PLEKHG1: variants seen among roughly 807,000 people sequenced by gnomAD.
PLEKHG1 encodes pleckstrin homology domain-containing family G member 1.
A neutral mutation model predicts 100.8 loss-of-function variants in PLEKHG1; 44 were observed. The observed-to-expected ratio is 0.44, with a 90% CI of 0.34 to 0.56. The LOEUF (loss-of-function observed/expected upper bound fraction) is 0.56. PLEKHG1 is among the 20% of genes least tolerant of loss of function. The pLI, the probability that PLEKHG1 is intolerant of heterozygous loss-of-function variation, is 0.01. For missense variants in PLEKHG1, 1,545 were observed against 1,720.9 expected (o/e 0.90, Z 1.81); for synonymous variants, 640 against 662.5 (o/e 0.97, Z 0.52).
In PLEKHG1 at chr6:150,629,228, G is replaced by A. The variant is rs139115316; in HGVS notation, c.-203-8852G>A. The stretch of plus-strand genomic sequence containing the variant: ...ATTTGACAGTATCTGTCAAGGCCTC[G>A]AAGGGACTCTTTGACTCATTTTTCG... On this transcript the variant is annotated intron_variant, in intron 1 of 3. Transcript: ENST00000367326. Among the ~76,000 whole-genome samples the A allele has an allele frequency of 2.6e-5, 4 of 152,238 alleles. No individual in the cohort carries two copies. The South Asian group carries it at 6.2e-4, about 24-fold the overall frequency.
chr6:150,819,725 G>C (rs752452889), exon 12 of PLEKHG1: 6 of 1,612,806 alleles, frequency 3.7e-6, no homozygotes, highest in Non-Finnish European at 4.2e-6. Context: ...CGAAAGCACT[G>C]TTCGGCTCTA....
chr6:150,835,062 C>T (rs1032634021), intron 15 of PLEKHG1, among the ~76,000 whole-genome samples: 1 of 152,132 alleles, frequency 6.6e-6, no homozygotes, highest in South Asian at 2.1e-4. Context: ...CGGTGCTGTG[C>T]GGAAGGAGGA....
At chr6:150,745,414 G>A (rs1306396523) in intron 2 of PLEKHG1, among the ~76,000 whole-genome samples, 1 of 152,184 alleles carries the variant, frequency 6.6e-6, no homozygotes, top group Non-Finnish European at 1.5e-5. Flanking sequence ...CAGCCACAGT[G>A]GCTCATGCCT....
chr6:150,747,834 T>G (rs1165885743), intron 2 of PLEKHG1, among the ~76,000 whole-genome samples: 1 of 151,290 alleles, frequency 6.6e-6, no homozygotes, highest in South Asian at 2.1e-4. Context: ...AGGTGGGGGT[T>G]GCAGTGAGCC....
intron 3 of PLEKHG1, among the ~76,000 whole-genome samples, chr6:150,697,439 G>A (rs1038135849): frequency 1.3e-5 from 2 of 152,218 alleles, no homozygotes; most frequent in African/African-American, 2.4e-5. Flanking sequence ...CCTTAAAGAA[G>A]CGAACCCTGA....
rs186829760 is a variant in PLEKHG1 at position 150,622,203 on chromosome 6, A to G, written c.-203-15877A>G. 1.4e-4 allele frequency among the ~76,000 whole-genome samples: 22 copies of G among 152,340 alleles called. No homozygotes were observed. The East Asian group carries it at 3.9e-3, about 27-fold the overall frequency. ...AATTTTGTTAAGTGAATGAATCTCA[A>G]TAAAAGCCAACATGTTATATGGGCA... On this transcript the variant is annotated intron_variant, in intron 1 of 3. Coordinates refer to the PLEKHG1 transcript ENST00000367326.
chr6:150,821,550 G>A (rs1296911400), intron 13 of PLEKHG1, among the ~76,000 whole-genome samples: 1 of 151,926 alleles, frequency 6.6e-6, no homozygotes, highest in Admixed American at 6.6e-5. Context: ...CAGTCCCAGT[G>A]GCTCGTGCCT....
intron 3 of PLEKHG1, among the ~76,000 whole-genome samples, chr6:150,669,742 G>A (rs890705782): frequency 3.3e-5 from 5 of 151,822 alleles, no homozygotes; most frequent in East Asian, 3.9e-4. Context: ...GATTACAGGC[G>A]CCTGCCACCA....
At chr6:150,614,365 C>T (rs1007684305) in intron 1 of PLEKHG1, among the ~76,000 whole-genome samples, 1 of 152,084 alleles carries the variant, frequency 6.6e-6, no homozygotes, top group African/African-American at 2.4e-5. Flanking sequence ...GACTAGGAAC[C>T]GTACTATTTT....
intron 1 of PLEKHG1, among the ~76,000 whole-genome samples, chr6:150,725,468 T>A (rs995043771): frequency 2.0e-5 from 3 of 152,230 alleles, no homozygotes; most frequent in African/African-American, 7.2e-5. Flanking sequence ...ACCCCTCACC[T>A]CCTGTTTGAA....
intron 6 of PLEKHG1, 47 bp downstream of exon 7, chr6:150,800,916 G>A: frequency 6.6e-7 from 1 of 1,524,756 alleles, no homozygotes; most frequent in Non-Finnish European, 9.1e-7. Context: ...TGGGAGTTTT[G>A]TGTGTATATA....
At chr6:150,838,456 A>C (rs766208303) in intron 15 of PLEKHG1, among the ~76,000 whole-genome samples, 1 of 152,166 alleles carries the variant, frequency 6.6e-6, no homozygotes, top group Admixed American at 6.5e-5. Context: ...AGTGTATTTT[A>C]TGTGTGTCCC....
intron 3 of PLEKHG1, among the ~76,000 whole-genome samples, chr6:150,706,094 T>A (rs1349848132): frequency 6.6e-6 from 1 of 152,220 alleles, no homozygotes; most frequent in Non-Finnish European, 1.5e-5. Context: ...TCTAAAAAGG[T>A]ACAACAAAAC....
chr6:150,645,959 C>A (rs1173993045), intron 2 of PLEKHG1, among the ~76,000 whole-genome samples: 1 of 152,166 alleles, frequency 6.6e-6, no homozygotes, highest in Non-Finnish European at 1.5e-5. Flanking sequence ...GAATAAAACC[C>A]AAACTGGATA....
At chr6:150,636,131 C>A (rs1777987811) in intron 1 of PLEKHG1, among the ~76,000 whole-genome samples, 1 of 152,024 alleles carries the variant, frequency 6.6e-6, no homozygotes, top group African/African-American at 2.4e-5. Flanking sequence ...TGAGTTTTCT[C>A]TAAAGAAAAA....
At chr6:150,719,374 G>GA (rs1394273547), upstream of PLEKHG1, among the ~76,000 whole-genome samples, 1 of 152,158 alleles carries the variant, frequency 6.6e-6, no homozygotes, top group Non-Finnish European at 1.5e-5. Context: ...TGTGCACGAT[G>GA]GATGAGTCAT....
At chr6:150,706,613 C>CAAAAAA (rs33992485) in intron 3 of PLEKHG1, among the ~76,000 whole-genome samples, 5 of 143,972 alleles carry the variant, frequency 3.5e-5, no homozygotes, top group African/African-American at 1.3e-4. Flanking sequence ...GACTCTGTCT[C>CAAAAAA]AAAAAAAAAA....
chr6:150,675,005 G>A (rs1000253088), intron 3 of PLEKHG1, among the ~76,000 whole-genome samples: 3 of 152,006 alleles, frequency 2.0e-5, no homozygotes, highest in East Asian at 1.9e-4. Flanking sequence ...TCTTTAAAAA[G>A]ACACACACAA....
upstream of PLEKHG1, among the ~76,000 whole-genome samples, chr6:150,718,765 G>A (rs1398222063): frequency 6.6e-6 from 1 of 152,066 alleles, no homozygotes; most frequent in Admixed American, 6.5e-5. Context: ...ACCGCGCCTG[G>A]CCTTTCTTCC....
Sources: gnomAD v4.1 joint callset for allele counts (sites outside exome capture counted in the v4.1 genomes callset) on GRCh38, gnomAD v4.1.1 for gene constraint, MANE v1.5 for transcripts, NCBI Gene and HGNC (gene_info 2026-07-23, HGNC 2026-07-21) for gene names.